Variants in CCDC60 observed in about 807,000 individuals in gnomAD.
CCDC60 encodes coiled-coil domain containing 60, also known as coiled-coil domain-containing protein 60.
Under a neutral mutation model 63.5 loss-of-function variants are expected in CCDC60, and 54 were observed. That is an observed-to-expected ratio of 0.85 (90% CI 0.68 to 1.07). The LOEUF is 1.07. CCDC60 is among the 50% of genes least tolerant of loss of function. The pLI is 0.00. For synonymous variants in CCDC60, 206 were observed against 238.8 expected, an observed-to-expected ratio of 0.86 and a Z score of 1.27; for missense variants, 651 against 684.3, an observed-to-expected ratio of 0.95 and a Z score of 0.54.
intron 1 of CCDC60, among the ~76,000 whole-genome samples, chr12:119,380,171 T>G (rs1325554545): frequency 2.6e-5 from 4 of 152,240 alleles, no homozygotes; most frequent in Non-Finnish European, 5.9e-5. Flanking sequence ...TATAAATCCC[T>G]TGGAAGCAGT....
At chr12:119,390,630 C>T (rs1956140492) in intron 1 of CCDC60, among the ~76,000 whole-genome samples, 1 of 152,178 alleles carries the variant, frequency 6.6e-6, no homozygotes, top group Admixed American at 6.5e-5. Flanking sequence ...CCAGAGGAAG[C>T]TCTCTGCTTT....
intron 1 of CCDC60, among the ~76,000 whole-genome samples, chr12:119,360,304 C>T (rs1955766730): frequency 6.7e-6 from 1 of 148,916 alleles, no homozygotes; most frequent in African/African-American, 2.5e-5. Flanking sequence ...GACCCCCCCA[C>T]CTCCCTCCCG....
At chr12:119,421,998 A>G (rs148830185) in intron 1 of CCDC60, among the ~76,000 whole-genome samples, 69 of 152,210 alleles carry the variant, frequency 4.5e-4, no homozygotes, top group African/African-American at 1.5e-3. Context: ...ACCTCCATTT[A>G]CCACCTTTTA....
intron 1 of CCDC60, among the ~76,000 whole-genome samples, chr12:119,377,669 C>T (rs1955966871): frequency 6.6e-6 from 1 of 152,182 alleles, no homozygotes; most frequent in South Asian, 2.1e-4. Flanking sequence ...CTTCTACGCA[C>T]AACTAGCAAA....
intron 3 of CCDC60, 99 bp from the exon 4 acceptor site, chr12:119,478,995 T>G: frequency 1.3e-6 from 1 of 789,050 alleles, no homozygotes; most frequent in Non-Finnish European, 2.2e-6. Context: ...ACATAGTAAG[T>G]GTCCAGTCAT....
Position 119,410,521 on chromosome 12 carries a change from T to C in CCDC60, c.91-18162T>C, listed in dbSNP as rs1434512613. 2.0e-5 allele frequency among the ~76,000 whole-genome samples: 3 copies of C among 152,006 alleles called. No homozygotes were observed. Among genetic ancestry groups the C allele is most frequent in the Non-Finnish European group, 4.4e-5 (3 of 68,004 alleles). ...CATTACCAGCTTCAGGAATGTTCTC[T>C]CCTGCCTCGTGACATCAGGAAAACC... On this transcript the variant is annotated intron_variant, in intron 1 of 13. Coordinates refer to ENST00000327554, the MANE Select transcript of CCDC60 (RefSeq NM_178499.5). This position sits in a 1 kb window ranked among gnomAD's most constrained non-coding sequence, Gnocchi z 4.0.
At chr12:119,344,615 T>A (rs1178204729) in intron 1 of CCDC60, among the ~76,000 whole-genome samples, 1 of 152,194 alleles carries the variant, frequency 6.6e-6, no homozygotes, top group Admixed American at 6.5e-5. Flanking sequence ...TGTGATACTG[T>A]CATTCCCCTT....
chr12:119,540,392 G>T (rs565980163), intron 13 of CCDC60, among the ~76,000 whole-genome samples: 43 of 152,306 alleles, frequency 2.8e-4, no homozygotes, highest in African/African-American at 9.4e-4. Flanking sequence ...ATAGCAACAA[G>T]AAGGGGCTTA....
At chr12:119,395,714 T>C (rs1956240028) in intron 1 of CCDC60, among the ~76,000 whole-genome samples, 1 of 152,120 alleles carries the variant, frequency 6.6e-6, no homozygotes, top group South Asian at 2.1e-4. Context: ...TGATCACAAA[T>C]GGGTGGCTCA....
rs770633965 is a variant in CCDC60, at chr12:119,335,136, T to G, written c.-41T>G. 2 of 1,531,006 alleles carry G rather than the reference T, an allele frequency of 1.3e-6. No homozygotes were observed. The highest frequency in any genetic ancestry group is 1.8e-6 in the Non-Finnish European group (2 of 1,123,672). The allele number at this position is 1,531,006 out of a possible 1,614,324, so 94.8% of individuals were successfully genotyped here. On this transcript the variant is annotated 5_prime_UTR_variant, in exon 1 of 14. Transcript: ENST00000327554. Reference sequence around the variant, plus strand: ...GAAGTAGAAGATTCTGGAAAAATCCTTGTCTTGGGGGCACAGGCTAAAACC... The same window carrying G: ...GAAGTAGAAGATTCTGGAAAAATCCGTGTCTTGGGGGCACAGGCTAAAACC...
chr12:119,540,579 C>A (rs1953134081), intron 13 of CCDC60, 35 bp from the exon 14 acceptor site: 1 of 1,513,262 alleles, frequency 6.6e-7, no homozygotes, highest in Non-Finnish European at 9.2e-7. Flanking sequence ...CTTTTCAGAG[C>A]AAATTCTGAG....
rs113516406 is a variant in CCDC60, at chr12:119,505,826, G to T, written c.883+523G>T. Among the ~76,000 whole-genome samples, 8 of 152,162 alleles carry T rather than the reference G, an allele frequency of 5.3e-5. No individual in the cohort carries two copies. In the East Asian group the frequency reaches 1.5e-3, roughly 29 times the overall value. ...GCTGAGATCATGCCACTGCACTCCA[G>T]CCTGGGCCACAGAGGAAGACTCCAT... On this transcript the variant is annotated intron_variant, in intron 7 of 13. Transcript: ENST00000327554.
chr12:119,522,900 A>G, intron 9 of CCDC60, 39 bp from the exon 10 acceptor site: 1 of 1,605,322 alleles, frequency 6.2e-7, no homozygotes. Context: ...CTTGAAAAGC[A>G]GACTCTGAGC....
chr12:119,527,666 CTTTT>C (rs869099213), intron 11 of CCDC60, among the ~76,000 whole-genome samples: 21 of 84,966 alleles, frequency 2.5e-4, no homozygotes, highest in African/African-American at 7.9e-4. Flanking sequence ...TTCTTTCTTT[CTTTT>C]TTTTTTTTTT....
chr12:119,351,117 T>G (rs1955652041), intron 1 of CCDC60, among the ~76,000 whole-genome samples: 1 of 152,198 alleles, frequency 6.6e-6, no homozygotes, highest in South Asian at 2.1e-4. Flanking sequence ...CTCATTCATT[T>G]TGAGGTGAAG....
rs533630844 is a variant in CCDC60, at chr12:119,421,065, A to AT, written c.91-7617dup. 9.5e-3 allele frequency among the ~76,000 whole-genome samples: 1,453 copies of AT among 152,262 alleles called. 9 individuals are homozygous for AT. The highest frequency in any genetic ancestry group is 0.015 in the Non-Finnish European group (1,002 of 68,024). Reference sequence around the variant, plus strand: ...TTCCCCGCTCACCCCTCGACGGAGCATCCCAGCTGTTTCCCTGATGTCTGT... The same window carrying AT: ...TTCCCCGCTCACCCCTCGACGGAGCATTCCCAGCTGTTTCCCTGATGTCTGT... On this transcript the variant is annotated intron_variant, in intron 1 of 13. Coordinates refer to ENST00000327554, the MANE Select transcript of CCDC60 (RefSeq NM_178499.5).
In CCDC60 at chr12:119,335,028, G is replaced by A; in HGVS notation, c.-149G>A. The A allele has an allele frequency of 3.3e-6, 2 of 609,308 alleles. No individual in the cohort carries two copies. The highest frequency in any genetic ancestry group is 5.7e-6 in the Non-Finnish European group (2 of 349,140). The allele number at this position is 609,308 out of a possible 1,614,324, so 37.7% of individuals were successfully genotyped here. On this transcript the variant is annotated 5_prime_UTR_variant, in exon 1 of 14. Coordinates refer to ENST00000327554, the MANE Select transcript of CCDC60 (RefSeq NM_178499.5). ...CCAGGTGCTTTCTCATTACTCTTCA[G>A]AAGGAAACCGCTTTGGAGTTCGTGT...
rs567583672 is a variant in CCDC60, at chr12:119,456,799, T to C, written c.171-15195T>C. On this transcript the variant is annotated intron_variant, in intron 2 of 13. Transcript: ENST00000327554. The surrounding 1 kb of genome is among the most constrained non-coding windows in gnomAD (Gnocchi z 4.6). ...CATGGCGCTGACAGGAGTGTAGCAG[T>C]GAGGACGACCAGAGGTCACTCTTGT... Among the ~76,000 whole-genome samples, 33 of 152,322 alleles carry C rather than the reference T, an allele frequency of 2.2e-4. No homozygotes were observed. In the South Asian group the frequency reaches 5.8e-3, roughly 27 times the overall value.
chr12:119,381,395 C>T (rs1464807649), intron 1 of CCDC60, among the ~76,000 whole-genome samples: 1 of 152,152 alleles, frequency 6.6e-6, no homozygotes, highest in Non-Finnish European at 1.5e-5. Context: ...AACATTTCTC[C>T]AATTGAAGCT....
Sources: gnomAD v4.1 joint callset for allele counts (sites outside exome capture counted in the v4.1 genomes callset) on GRCh38, gnomAD v4.1.1 for gene constraint, Gnocchi (gnomAD v3.1) non-coding constraint, MANE v1.5 for transcripts, NCBI Gene and HGNC (gene_info 2026-07-23, HGNC 2026-07-21) for gene names.